The following ATG7 variants were observed in gnomAD, a reference collection of about 807,000 sequenced individuals.
ATG7 encodes the protein autophagy related 7.
A neutral mutation model predicts 82.4 loss-of-function variants in ATG7; 70 were observed. The observed-to-expected ratio is 0.85, with a 90% CI of 0.70 to 1.04. ATG7 has a LOEUF of 1.04. Among genes scored for constraint, ATG7 ranks in the 50% least tolerant of loss-of-function variants. ATG7 has a pLI of 0.00. For missense variants in ATG7, 792 were observed against 864.3 expected (o/e 0.92, Z 1.05); for synonymous variants, 287 against 313.0 (o/e 0.92, Z 0.88).
At chr3:11,436,493 C>A (rs1432826672) in intron 20 of ATG7, among the ~76,000 whole-genome samples, 1 of 152,168 alleles carries the variant, frequency 6.6e-6, no homozygotes, top group Non-Finnish European at 1.5e-5. Flanking sequence ...ACTCTGGACA[C>A]CCTGCCTATA....
At chr3:11,308,845 C>T (rs927220495) in intron 6 of ATG7, 139 bp from the exon 7 acceptor site, 2 of 767,290 alleles carry the variant, frequency 2.6e-6, no homozygotes, top group Admixed American at 3.9e-5. Context: ...AGGTAACAAC[C>T]CACTTCATTG....
intron 19 of ATG7, among the ~76,000 whole-genome samples, chr3:11,394,713 A>G (rs2079072756): frequency 6.6e-6 from 1 of 152,244 alleles, no homozygotes; most frequent in Admixed American, 6.5e-5. Flanking sequence ...ACAATTTCAC[A>G]TTATTTAAGT....
Position 11,380,035 on chromosome 3 carries a change from A to G in ATG7, c.1939A>G (p.Thr647Ala). ...LPVSLAFDKCTACSSKVLDQY... is the reference protein window; with the variant it reads ...LPVSLAFDKCAACSSKVLDQY... ...CGTCAGCCTGGCATTTGACAAATGTACAGCTTGTTCTTCCAAAGTAAGTCA... is the reference window on the plus strand; with the variant it reads ...CGTCAGCCTGGCATTTGACAAATGTGCAGCTTGTTCTTCCAAAGTAAGTCA... Residue 647 changes from threonine (T) to alanine (A), a missense_variant, in exon 19 of 21, where the codon ACA becomes GCA. Thr to Ala is a moderately conservative substitution (Grantham distance 58, BLOSUM62 0). Coordinates refer to ENST00000693202, the MANE Select transcript of ATG7 (RefSeq NM_001349232.2). 1.2e-6 allele frequency: 2 copies of G among 1,614,044 alleles called. No homozygotes were observed. The highest frequency in any genetic ancestry group is 1.7e-6 in the Non-Finnish European group (2 of 1,179,912).
At chr3:11,526,329 C>A (rs2124949050) in intron 20 of ATG7, among the ~76,000 whole-genome samples, 1 of 152,186 alleles carries the variant, frequency 6.6e-6, no homozygotes, top group Non-Finnish European at 1.5e-5. Flanking sequence ...GAGGCCGAGG[C>A]TTTAGTGAGC....
At chr3:11,476,003 A>G (rs1369982485) in intron 20 of ATG7, among the ~76,000 whole-genome samples, 1 of 151,738 alleles carries the variant, frequency 6.6e-6, no homozygotes, top group Non-Finnish European at 1.5e-5. Flanking sequence ...CCCTGCTGTG[A>G]TTTTATTTCC....
intron 19 of ATG7, among the ~76,000 whole-genome samples, chr3:11,412,183 A>G (rs1311676616): frequency 6.6e-6 from 1 of 152,048 alleles, no homozygotes; most frequent in African/African-American, 2.4e-5. Context: ...AAACATAACA[A>G]TATGTAAGAA....
intron 13 of ATG7, among the ~76,000 whole-genome samples, chr3:11,342,853 A>G (rs1953881515): frequency 6.6e-6 from 1 of 151,906 alleles, no homozygotes; most frequent in Admixed American, 6.6e-5. Context: ...TTTTAGGAAA[A>G]AAACCCTGGA....
rs577059767 is a variant in ATG7, at chr3:11,341,770, C to A, written c.981-365C>A. Among the ~76,000 whole-genome samples the A allele has an allele frequency of 3.3e-5, 5 of 152,176 alleles. No homozygotes were observed. In the South Asian group the frequency reaches 1.0e-3, roughly 32 times the overall value. On this transcript the variant is annotated intron_variant, in intron 12 of 20. Coordinates refer to ENST00000693202, the MANE Select transcript of ATG7 (RefSeq NM_001349232.2). ...GCCTGAGCGCAGGAGATATGGGAGGCCTTATTAAGGAGATATGGGAGAAAT... is the reference window on the plus strand; with the variant it reads ...GCCTGAGCGCAGGAGATATGGGAGGACTTATTAAGGAGATATGGGAGAAAT...
intron 20 of ATG7, among the ~76,000 whole-genome samples, chr3:11,476,042 C>A (rs571356345): frequency 2.6e-5 from 4 of 152,112 alleles, no homozygotes; most frequent in Non-Finnish European, 4.4e-5. Flanking sequence ...TTTTCATAGC[C>A]GCAAGGCATC....
chr3:11,279,400 G>A (rs1373987059), intron 1 of ATG7, among the ~76,000 whole-genome samples: 1 of 152,116 alleles, frequency 6.6e-6, no homozygotes, highest in East Asian at 1.9e-4. Context: ...TAAAACCTTG[G>A]CTTGGCTGGG....
chr3:11,423,644 T>C (rs1465234737), intron 19 of ATG7, among the ~76,000 whole-genome samples: 1 of 152,130 alleles, frequency 6.6e-6, no homozygotes, highest in Admixed American at 6.6e-5. Context: ...GGGGTTAGGC[T>C]GTCAAATTAA....
At chr3:11,460,491 C>T (rs114676404) in intron 20 of ATG7, among the ~76,000 whole-genome samples, 2,938 of 152,260 alleles carry the variant, frequency 0.019, 98 homozygotes, top group African/African-American at 0.067. Flanking sequence ...AGCACCAGAG[C>T]GTTGCCTTTG....
chr3:11,447,176 A>C (rs1276084988), intron 20 of ATG7, among the ~76,000 whole-genome samples: 3 of 152,194 alleles, frequency 2.0e-5, no homozygotes, highest in Non-Finnish European at 4.4e-5. Context: ...ATAAAAGAGT[A>C]ATTTATTGGC....
At chr3:11,308,038 C>G (rs1398505487) in intron 6 of ATG7, among the ~76,000 whole-genome samples, 1 of 152,200 alleles carries the variant, frequency 6.6e-6, no homozygotes, top group African/African-American at 2.4e-5. Flanking sequence ...CAGGAATATC[C>G]CACCCCTCAA....
chr3:11,307,049 G>T lies in ATG7; in HGVS notation c.322G>T (p.Ala108Ser), dbSNP rs1947866780. The T allele has an allele frequency of 6.2e-7, 1 of 1,613,142 alleles. No homozygotes were observed. The highest frequency in any genetic ancestry group is 8.5e-7 in the Non-Finnish European group (1 of 1,179,102). Residue 108 changes from alanine (A) to serine (S), a missense_variant, in exon 6 of 21, where the codon GCA becomes TCA. By Grantham distance (99) the Ala-to-Ser change is moderately conservative. Transcript: ENST00000693202. The part of the protein sequence containing the change: ...TADKKLLLEQ[A>S]ANEIWESIKS... The stretch of plus-strand genomic sequence containing the variant: ...AGATAAGAAGCTCCTTTTGGAACAA[G>T]CAGCAAATGAGGTTAGCTGTGAAAA...
chr3:11,276,382 C>G (rs1456165499), intron 1 of ATG7, among the ~76,000 whole-genome samples: 1 of 152,166 alleles, frequency 6.6e-6, no homozygotes, highest in Non-Finnish European at 1.5e-5. Context: ...TGTTCATTTT[C>G]TTTTCTGTTT....
intron 19 of ATG7, among the ~76,000 whole-genome samples, chr3:11,392,212 G>A (rs1233655461): frequency 6.6e-6 from 1 of 152,080 alleles, no homozygotes; most frequent in Non-Finnish European, 1.5e-5. Flanking sequence ...AACTGTTTAT[G>A]ACAAACATAG....
chr3:11,397,837 C>T (rs964527505), intron 19 of ATG7, among the ~76,000 whole-genome samples: 1 of 150,706 alleles, frequency 6.6e-6, no homozygotes, highest in Non-Finnish European at 1.5e-5. Flanking sequence ...AATCCCGGCA[C>T]TCTGGGAGCC....
At chr3:11,467,503 A>C (rs1014310461) in intron 20 of ATG7, among the ~76,000 whole-genome samples, 4 of 152,000 alleles carry the variant, frequency 2.6e-5, no homozygotes, top group Non-Finnish European at 1.5e-5. Flanking sequence ...CAGCCTCCCG[A>C]GTAGCTGGAT....
Sources: allele counts gnomAD v4.1 joint callset (sites outside exome capture counted in the v4.1 genomes callset), GRCh38; gene constraint gnomAD v4.1.1; transcripts MANE v1.5; gene names NCBI Gene and HGNC (gene_info 2026-07-23, HGNC 2026-07-21).